DPYD: variants seen among roughly 807,000 people sequenced by gnomAD.
DPYD encodes the protein dihydropyrimidine dehydrogenase.
Under a neutral mutation model 116.2 loss-of-function variants are expected in DPYD, and 109 were observed. The observed-to-expected ratio is 0.94, with a 90% CI of 0.80 to 1.10. The LOEUF (loss-of-function observed/expected upper bound fraction) is 1.10. DPYD is among the 50% of genes least tolerant of loss of function. The pLI is 0.00. For synonymous variants in DPYD, 440 were observed against 432.0 expected, an observed-to-expected ratio of 1.02 and a Z score of -0.23; for missense variants, 1,302 against 1,254.5, an observed-to-expected ratio of 1.04 and a Z score of -0.57.
At chr1:97,470,399 A>G (rs979368811) in intron 13 of DPYD, among the ~76,000 whole-genome samples, 1 of 151,942 alleles carries the variant, frequency 6.6e-6, no homozygotes, top group African/African-American at 2.4e-5. Context: ...AAGGTAAAAT[A>G]AAGGATGTTT....
rs115291899 is a variant in DPYD at position 97,832,118 on chromosome 1, G to C, written c.151-3922C>G. 3.8e-3 allele frequency among the ~76,000 whole-genome samples: 563 copies of C among 147,426 alleles called. 2 individuals are homozygous for C. Among genetic ancestry groups the C allele is most frequent in the African/African-American group, 0.013 (542 of 40,426 alleles). ...ATTATAGTAAACCAGTTAACATTGA[G>C]TAGTGACTCTGGGTTAGGTACTTTT... is the stretch of plus-strand genomic sequence containing the variant. On this transcript the variant is annotated intron_variant, in intron 2 of 22. Transcript: ENST00000370192.
chr1:97,375,850 T>G (rs1671581641), intron 15 of DPYD, among the ~76,000 whole-genome samples: 1 of 152,246 alleles, frequency 6.6e-6, no homozygotes, highest in Non-Finnish European at 1.5e-5. Flanking sequence ...TGTAGACTTC[T>G]CTATTTAACT....
At chr1:97,416,250 C>T (rs1294650496) in intron 14 of DPYD, among the ~76,000 whole-genome samples, 1 of 152,096 alleles carries the variant, frequency 6.6e-6, no homozygotes, top group African/African-American at 2.4e-5. Context: ...ATTCCATTTG[C>T]CAACAAGGAA....
At chr1:97,238,479 T>C (rs1330157858) in intron 18 of DPYD, among the ~76,000 whole-genome samples, 1 of 152,130 alleles carries the variant, frequency 6.6e-6, no homozygotes, top group African/African-American at 2.4e-5. Flanking sequence ...TCTTTCTAAA[T>C]TGCTATGTAG....
chr1:97,879,509 C>A (rs1349068620), intron 2 of DPYD, among the ~76,000 whole-genome samples: 2 of 151,706 alleles, frequency 1.3e-5, no homozygotes, highest in Non-Finnish European at 2.9e-5. Flanking sequence ...TCAAAAATGG[C>A]AAAAATAAAC....
At chr1:97,131,731 A>G (rs888766263) in intron 20 of DPYD, among the ~76,000 whole-genome samples, 2 of 152,186 alleles carry the variant, frequency 1.3e-5, no homozygotes, top group African/African-American at 4.8e-5. Flanking sequence ...TGAGGAGTTC[A>G]AAGTAGAGAC....
chr1:97,776,055 A>G (rs1054820800), intron 3 of DPYD, among the ~76,000 whole-genome samples: 2 of 152,144 alleles, frequency 1.3e-5, no homozygotes, highest in Non-Finnish European at 2.9e-5. Flanking sequence ...GGGGATGGTT[A>G]ATGGTTACAA....
Position 97,622,534 on chromosome 1 carries a change from C to T in DPYD, c.851-27368G>A, listed in dbSNP as rs187170288. Among the ~76,000 whole-genome samples the T allele has an allele frequency of 2.6e-5, 4 of 151,898 alleles. No individual in the cohort carries two copies. The East Asian group carries it at 5.8e-4, about 22-fold the overall frequency. On this transcript the variant is annotated intron_variant, in intron 8 of 22. Transcript: ENST00000370192. ...ATCTTGGATAGACTCTAGGTAAAAC[C>T]GACCCTGGGTAAAAACTAAGGAAAT...
At chr1:97,656,818 AT>A (rs200525025) in intron 8 of DPYD, among the ~76,000 whole-genome samples, 4,066 of 143,794 alleles carry the variant, frequency 0.028, 181 homozygotes, top group African/African-American at 0.096. Flanking sequence ...GGAATTTTTT[AT>A]TTTTTTTTTT....
chr1:97,582,425 T>TA (rs901040908), intron 10 of DPYD, among the ~76,000 whole-genome samples: 3 of 152,230 alleles, frequency 2.0e-5, no homozygotes, highest in Non-Finnish European at 2.9e-5. Flanking sequence ...TTATCTTGGT[T>TA]ACCAAGGACA....
chr1:97,257,452 T>TATATATATATGGAGAGAGAG (rs375490078), intron 18 of DPYD, among the ~76,000 whole-genome samples: 2 of 126,474 alleles, frequency 1.6e-5, no homozygotes, highest in African/African-American at 6.3e-5. Context: ...TATATATATA[T>TATATATATATGGAGAGAGAG]AGAGAGAGAG....
intron 14 of DPYD, among the ~76,000 whole-genome samples, chr1:97,406,962 T>C (rs1297971904): frequency 6.6e-6 from 1 of 152,172 alleles, no homozygotes; most frequent in East Asian, 1.9e-4. Context: ...GGTCATGATA[T>C]AGTACCTGCA....
chr1:97,660,978 C>G (rs2100866965), intron 8 of DPYD, among the ~76,000 whole-genome samples: 1 of 152,138 alleles, frequency 6.6e-6, no homozygotes, highest in Middle Eastern at 3.4e-3. Flanking sequence ...AAACAAAACC[C>G]AACTGACAAA....
intron 1 of DPYD, among the ~76,000 whole-genome samples, chr1:97,910,030 T>G (rs1038846852): frequency 2.6e-5 from 4 of 152,162 alleles, no homozygotes; most frequent in Non-Finnish European, 4.4e-5. Flanking sequence ...AGACTTCTTA[T>G]GATCTTCTAG....
intron 16 of DPYD, among the ~76,000 whole-genome samples, chr1:97,354,980 T>G (rs1670349468): frequency 6.6e-6 from 1 of 152,194 alleles, no homozygotes; most frequent in Non-Finnish European, 1.5e-5. Context: ...GAGGAATGAA[T>G]GTGATCCCAT....
Position 97,360,209 on chromosome 1 carries a change from T to C in DPYD, c.2058+13352A>G, listed in dbSNP as rs180747281. On this transcript the variant is annotated intron_variant, in intron 16 of 22. Transcript: ENST00000370192. ...CAACAAAGATCAAAAGAGACCATTA[T>C]GTGATGGTAAAGGGATCAATTTAAC... Among the ~76,000 whole-genome samples the C allele has an allele frequency of 1.6e-3, 249 of 151,188 alleles. 1 individual carries two copies. Among genetic ancestry groups the C allele is most frequent in the African/African-American group, 5.5e-3 (229 of 41,440 alleles).
At chr1:97,270,830 A>T (rs1198868756) in intron 18 of DPYD, among the ~76,000 whole-genome samples, 1 of 152,180 alleles carries the variant, frequency 6.6e-6, no homozygotes, top group Non-Finnish European at 1.5e-5. Context: ...ATTCAGGAAG[A>T]TTTCTGCTCT....
At chr1:97,408,488 A>G (rs559826616) in intron 14 of DPYD, among the ~76,000 whole-genome samples, 9 of 152,268 alleles carry the variant, frequency 5.9e-5, no homozygotes, top group Admixed American at 4.6e-4. Context: ...GGTAAGGATT[A>G]ATGCACTTCT....
At position 97,366,090 on chromosome 1, in the gene DPYD, C is replaced by G. The variant is rs192319651; in HGVS notation, c.2058+7471G>C. 3.0e-3 allele frequency among the ~76,000 whole-genome samples: 457 copies of G among 152,218 alleles called. 1 individual carries two copies. The highest frequency in any genetic ancestry group is 5.0e-3 in the Admixed American group (76 of 15,270). On this transcript the variant is annotated intron_variant, in intron 16 of 22. Transcript: ENST00000370192. ...AGCAGCAAAAATTTTTACATCATTA[C>G]CAACATTAATAACTATAATTGAAAA... is the stretch of plus-strand genomic sequence containing the variant.
Sources: gnomAD v4.1 joint callset for allele counts (sites outside exome capture counted in the v4.1 genomes callset) on GRCh38, gnomAD v4.1.1 for gene constraint, MANE v1.5 for transcripts, NCBI Gene and HGNC (gene_info 2026-07-23, HGNC 2026-07-21) for gene names.